CPQ: variants seen among roughly 807,000 people sequenced by gnomAD.
CPQ encodes the protein Ser-Met dipeptidase.
In CPQ, 37 loss-of-function variants were observed where a neutral mutation model predicts 45.7. That is an observed-to-expected ratio of 0.81 (90% CI 0.62 to 1.07). The LOEUF (loss-of-function observed/expected upper bound fraction) is 1.07. Ranked by LOEUF, CPQ falls within the 50% of genes least tolerant of loss-of-function variation. CPQ has a pLI of 0.00. For missense variants in CPQ, 537 were observed against 572.9 expected (o/e 0.94, Z 0.64); for synonymous variants, 186 against 205.8 (o/e 0.90, Z 0.82).
intron 1 of CPQ, among the ~76,000 whole-genome samples, chr8:96,685,431 A>T (rs1809213574): frequency 6.6e-6 from 1 of 151,694 alleles, no homozygotes; most frequent in Non-Finnish European, 1.5e-5. Context: ...ATCTAGCTTA[A>T]TTTTTCTTCG....
chr8:96,879,879 G>A lies in CPQ; in HGVS notation c.723G>A (p.Met241Ile), dbSNP rs1256574591. ...TACITVEDAE[M>I]MSRMASHGIK... ...GTATTACGGTGGAAGATGCAGAAAT[G>A]ATGTCAAGAATGGCTTCTCATGGGA... The change falls in exon 4 of 8, where the codon ATG becomes ATA. Residue 241 changes from methionine (M) to isoleucine (I), a missense_variant. Met to Ile is a conservative substitution (Grantham distance 10). Transcript: ENST00000220763. 2 of 1,614,096 alleles carry A rather than the reference G, an allele frequency of 1.2e-6. No homozygotes were observed. Among genetic ancestry groups the A allele is most frequent in the Non-Finnish European group, 8.5e-7 (1 of 1,179,994 alleles).
intron 7 of CPQ, among the ~76,000 whole-genome samples, chr8:97,098,913 C>A (rs866445610): frequency 6.6e-6 from 1 of 152,030 alleles, no homozygotes; most frequent in East Asian, 1.9e-4. Flanking sequence ...CCCCCACACA[C>A]ACATACATAA....
chr8:96,706,345 T>A (rs1809530617), intron 1 of CPQ, among the ~76,000 whole-genome samples: 4 of 152,134 alleles, frequency 2.6e-5, no homozygotes, highest in Admixed American at 2.6e-4. Flanking sequence ...ATTCCCTATA[T>A]CTAAGTAACT....
At chr8:96,688,715 G>A (rs79365719) in intron 1 of CPQ, among the ~76,000 whole-genome samples, 1 of 152,100 alleles carries the variant, frequency 6.6e-6, no homozygotes, top group South Asian at 2.1e-4. Flanking sequence ...TCAATGTACT[G>A]TAATTCTGTT....
intron 4 of CPQ, among the ~76,000 whole-genome samples, chr8:96,910,435 A>G (rs1812643344): frequency 6.6e-6 from 1 of 152,200 alleles, no homozygotes; most frequent in African/African-American, 2.4e-5. Flanking sequence ...TACTTTTTAA[A>G]TCTGTAAAGT....
At chr8:96,679,772 T>G (rs935773110) in intron 1 of CPQ, among the ~76,000 whole-genome samples, 1 of 151,984 alleles carries the variant, frequency 6.6e-6, no homozygotes, top group African/African-American at 2.4e-5. Flanking sequence ...TCCTTTTTTT[T>G]TTTGTTTCTG....
At chr8:97,096,154 T>A (rs1013681722) in intron 7 of CPQ, among the ~76,000 whole-genome samples, 25 of 152,196 alleles carry the variant, frequency 1.6e-4, no homozygotes, top group Non-Finnish European at 5.9e-5. Flanking sequence ...ATAATCTTAT[T>A]AATGATTTCA....
At chr8:96,865,987 C>T (rs927416746) in intron 3 of CPQ, among the ~76,000 whole-genome samples, 3 of 151,942 alleles carry the variant, frequency 2.0e-5, no homozygotes, top group Non-Finnish European at 4.4e-5. Flanking sequence ...CATATAATCT[C>T]AACAAGCTTT....
intron 3 of CPQ, among the ~76,000 whole-genome samples, chr8:96,872,602 C>T (rs1431245430): frequency 6.6e-6 from 1 of 151,726 alleles, no homozygotes; most frequent in African/African-American, 2.4e-5. Context: ...TTGGTCATGG[C>T]AAACATTGGG....
At chr8:97,014,984 G>C (rs936564406) in intron 5 of CPQ, among the ~76,000 whole-genome samples, 2 of 152,094 alleles carry the variant, frequency 1.3e-5, no homozygotes, top group African/African-American at 2.4e-5. Flanking sequence ...TCAGTTGCTT[G>C]TTGGAGATGC....
intron 7 of CPQ, among the ~76,000 whole-genome samples, chr8:97,131,966 G>C (rs1431888): frequency 0.4 from 60,505 of 151,980 alleles, 15,276 homozygotes; most frequent in African/African-American, 0.7. Context: ...TCCCTTCAAT[G>C]CCAAGGAAAC....
chr8:97,072,428 T>C (rs1810760138), intron 7 of CPQ, among the ~76,000 whole-genome samples: 1 of 152,060 alleles, frequency 6.6e-6, no homozygotes, highest in Non-Finnish European at 1.5e-5. Flanking sequence ...CTAAATAACT[T>C]ACTCATGTAA....
intron 4 of CPQ, among the ~76,000 whole-genome samples, chr8:96,931,688 A>G (rs1331463927): frequency 6.6e-6 from 1 of 152,170 alleles, no homozygotes; most frequent in African/African-American, 2.4e-5. Context: ...GAGCCCAGGG[A>G]CTAACACGAC....
Position 96,877,498 on chromosome 8 carries a change from G to T in CPQ, c.642-2300G>T, listed in dbSNP as rs887098483. ...GAGTTTGTTGAATCCCAGACATCACGTAAGGTAATATGAATAATAAATATT... is the reference window on the plus strand; with the variant it reads ...GAGTTTGTTGAATCCCAGACATCACTTAAGGTAATATGAATAATAAATATT... On this transcript the variant is annotated intron_variant, in intron 3 of 7. Coordinates refer to ENST00000220763, the MANE Select transcript of CPQ (RefSeq NM_016134.4). Among the ~76,000 whole-genome samples, 5 of 152,122 alleles carry T rather than the reference G, an allele frequency of 3.3e-5. No homozygotes were observed. The South Asian group carries it at 8.3e-4, about 25-fold the overall frequency.
intron 5 of CPQ, among the ~76,000 whole-genome samples, chr8:97,013,412 G>A (rs1345315170): frequency 1.3e-5 from 2 of 152,080 alleles, no homozygotes; most frequent in South Asian, 2.1e-4. Context: ...TCTGTTACAC[G>A]TGGTAATACA....
intron 7 of CPQ, among the ~76,000 whole-genome samples, chr8:97,108,938 G>A (rs75149854): frequency 2.1e-3 from 317 of 152,172 alleles, no homozygotes; most frequent in Middle Eastern, 6.8e-3. Flanking sequence ...TGACTCCAAC[G>A]TCCAACACAA....
intron 4 of CPQ, among the ~76,000 whole-genome samples, chr8:96,926,725 C>A (rs1431847663): frequency 6.6e-6 from 1 of 151,500 alleles, no homozygotes; most frequent in East Asian, 1.9e-4. Flanking sequence ...ATGTGCAGAA[C>A]GTCCAGGTTT....
At chr8:96,778,111 A>G (rs1178681803) in intron 1 of CPQ, among the ~76,000 whole-genome samples, 2 of 151,868 alleles carry the variant, frequency 1.3e-5, no homozygotes, top group African/African-American at 4.8e-5. Flanking sequence ...TTTTAATTTT[A>G]TAATACATTT....
At chr8:96,776,913 A>T (rs1326428074) in intron 1 of CPQ, among the ~76,000 whole-genome samples, 2 of 152,218 alleles carry the variant, frequency 1.3e-5, no homozygotes, top group Non-Finnish European at 2.9e-5. Context: ...TTTGAAGGGT[A>T]TAACATTTGA....
Sources: gnomAD v4.1 joint callset for allele counts (sites outside exome capture counted in the v4.1 genomes callset) on GRCh38, gnomAD v4.1.1 for gene constraint, MANE v1.5 for transcripts, NCBI Gene and HGNC (gene_info 2026-07-23, HGNC 2026-07-21) for gene names.